ZNF536: variants seen among roughly 807,000 people sequenced by gnomAD.
ZNF536 encodes the protein zinc finger protein 536.
Under a neutral mutation model 84.5 loss-of-function variants are expected in ZNF536, and 13 were observed. That is an observed-to-expected ratio of 0.15 (90% CI 0.10 to 0.24). The LOEUF is 0.24. Ranked by LOEUF, ZNF536 falls within the 10% of genes least tolerant of loss-of-function variation. The probability of loss-of-function intolerance (pLI) is 1.00; values close to 1 mark genes in which losing one functional copy is unlikely to be tolerated. For missense variants in ZNF536, 1,536 were observed against 1,747.5 expected (o/e 0.88, Z 2.16); for synonymous variants, 811 against 742.5 (o/e 1.09, Z -1.50).
chr19:30,576,995 G>T (rs764128832), intron 1 of ZNF536, among the ~76,000 whole-genome samples: 8 of 152,106 alleles, frequency 5.3e-5, no homozygotes, highest in South Asian at 2.1e-4. Flanking sequence ...TCTGTTTTTT[G>T]TTGTTGTTGT....
intron 1 of ZNF536, among the ~76,000 whole-genome samples, chr19:30,614,942 A>ATTTTTTTATTTTTATTTT (rs2048230660): frequency 3.1e-5 from 1 of 32,316 alleles, no homozygotes; most frequent in Non-Finnish European, 5.8e-5. Context: ...CCCCTTTTCA[A>ATTTTTTTATTTTTATTTT]TTTTTTTTTT....
At chr19:30,355,759 A>G (rs2048074030) in intron 3 of ZNF536, among the ~76,000 whole-genome samples, 3 of 152,136 alleles carry the variant, frequency 2.0e-5, no homozygotes, top group Admixed American at 1.3e-4. Context: ...CAGTGGCTGC[A>G]TTAGATTTTC....
chr19:30,300,500 G>A (rs1179313249), intron 2 of ZNF536: 1 of 152,076 alleles, frequency 6.6e-6, no homozygotes, highest in Non-Finnish European at 1.5e-5. Flanking sequence ...GCCTCGTTAT[G>A]GAAAAGAATT....
At chr19:30,501,901 A>G (rs1568491239) in intron 2 of ZNF536, among the ~76,000 whole-genome samples, 1 of 152,198 alleles carries the variant, frequency 6.6e-6, no homozygotes, top group Non-Finnish European at 1.5e-5. Context: ...CCAATAATGG[A>G]ACACTAGGCA....
rs1013244518 is a variant in ZNF536, at chr19:30,480,656, G to T, written c.2170+34924G>T. Among the ~76,000 whole-genome samples the T allele has an allele frequency of 1.4e-4, 21 of 152,112 alleles. 1 individual carries two copies. The highest frequency in any genetic ancestry group is 3.1e-4 in the Non-Finnish European group (21 of 68,036). On this transcript the variant is annotated intron_variant, in intron 2 of 4. Coordinates refer to ENST00000355537, the MANE Select transcript of ZNF536 (RefSeq NM_014717.3). ...GGTGCAGCAAACCACCATGGCACAT[G>T]TATACCTATGTAACAAACCTGCACG...
intron 3 of ZNF536, among the ~76,000 whole-genome samples, chr19:30,544,925 G>A (rs929784673): frequency 1.3e-5 from 2 of 152,152 alleles, no homozygotes; most frequent in African/African-American, 4.8e-5. Context: ...TCAGAGTAGC[G>A]TGGGTGTCCA....
chr19:30,310,491 G>GA (rs1351765401), intron 2 of ZNF536, among the ~76,000 whole-genome samples: 1 of 152,214 alleles, frequency 6.6e-6, no homozygotes, highest in African/African-American at 2.4e-5. Flanking sequence ...ATTGACAGGG[G>GA]AAAATTTAAC....
chr19:30,580,240 G>C (rs960830773), intron 1 of ZNF536, among the ~76,000 whole-genome samples: 1 of 152,182 alleles, frequency 6.6e-6, no homozygotes, highest in Non-Finnish European at 1.5e-5. Flanking sequence ...CTTCCCTGCT[G>C]TACCCTACTC....
intron 1 of ZNF536, among the ~76,000 whole-genome samples, chr19:30,280,233 C>T (rs1215577837): frequency 6.6e-6 from 1 of 152,090 alleles, no homozygotes; most frequent in African/African-American, 2.4e-5. Flanking sequence ...CCTTCAGACC[C>T]TCTCTTTCCT....
chr19:30,339,442 A>G (rs1029492146), intron 2 of ZNF536, among the ~76,000 whole-genome samples: 7 of 152,216 alleles, frequency 4.6e-5, no homozygotes, highest in African/African-American at 1.7e-4. Flanking sequence ...GCAGGTGGGA[A>G]TACTGCTGGG....
intron 2 of ZNF536, among the ~76,000 whole-genome samples, chr19:30,484,390 C>CTTTTTTTTTTTTTTT (rs375461433): frequency 8.5e-6 from 1 of 117,446 alleles, no homozygotes; most frequent in African/African-American, 3.6e-5. Flanking sequence ...TCATGCCCAG[C>CTTTTTTTTTTTTTTT]TTTTTTTTTT....
chr19:30,355,265 TG>T (rs754970323), intron 3 of ZNF536, among the ~76,000 whole-genome samples: 1 of 151,546 alleles, frequency 6.6e-6, no homozygotes, highest in Non-Finnish European at 1.5e-5. Context: ...AGGGAAGGGG[TG>T]GGGGAGGTCC....
chr19:30,562,850 T>C (rs181957611), downstream of ZNF536, among the ~76,000 whole-genome samples: 3 of 152,124 alleles, frequency 2.0e-5, no homozygotes, highest in African/African-American at 7.2e-5. Context: ...GAGAATTCCC[T>C]TGGTCACTCA....
chr19:30,578,320 C>T (rs770391100), intron 1 of ZNF536, among the ~76,000 whole-genome samples: 9 of 152,190 alleles, frequency 5.9e-5, no homozygotes, highest in South Asian at 2.1e-4. Context: ...GGTTGGCCCG[C>T]GAAGCGCAGT....
intron 2 of ZNF536, among the ~76,000 whole-genome samples, chr19:30,320,348 A>G (rs2046813509): frequency 6.6e-6 from 1 of 152,214 alleles, no homozygotes; most frequent in South Asian, 2.1e-4. Flanking sequence ...TTTTAAATAG[A>G]AGTGTAGTGG....
intron 1 of ZNF536, among the ~76,000 whole-genome samples, chr19:30,428,602 T>C (rs536932394): frequency 3.6e-4 from 55 of 151,704 alleles, no homozygotes; most frequent in South Asian, 1.2e-3. Context: ...ACCAAGCTAC[T>C]GAAGTTACAG....
At position 30,610,778 on chromosome 19, in the gene ZNF536, G is replaced by A. The variant is rs566290248; in HGVS notation, c.169+61264G>A. On this transcript the variant is annotated intron_variant, in intron 1 of 1. Transcript: ENST00000592773. The stretch of plus-strand genomic sequence containing the variant: ...AGTGTGTGTGTGGAGGCGGGTGGGG[G>A]GGATGAGGACTCAGACATGCAAGGC... Among the ~76,000 whole-genome samples, 88 of 152,236 alleles carry A rather than the reference G, an allele frequency of 5.8e-4. 1 individual carries two copies. Among genetic ancestry groups the A allele is most frequent in the African/African-American group, 1.9e-3 (81 of 41,548 alleles).
Position 30,479,708 on chromosome 19 carries a change from C to T in ZNF536, c.2170+33976C>T, listed in dbSNP as rs144662367. 1.6e-3 allele frequency among the ~76,000 whole-genome samples: 251 copies of T among 152,306 alleles called. 2 individuals are homozygous for T. The East Asian group carries it at 0.033, about 20-fold the overall frequency. On this transcript the variant is annotated intron_variant, in intron 2 of 4. Coordinates refer to ENST00000355537, the MANE Select transcript of ZNF536 (RefSeq NM_014717.3). ...CCTGTCACTGATAAAAAGCAGTCCA[C>T]GAGGCAGCCTCGGGACATGTGCCCT...
At chr19:30,661,488 T>G (rs909088458) in intron 1 of ZNF536, among the ~76,000 whole-genome samples, 2 of 152,192 alleles carry the variant, frequency 1.3e-5, no homozygotes, top group Non-Finnish European at 2.9e-5. Flanking sequence ...TATAAATAGG[T>G]GCAAGCTTTT....
Sources: gnomAD v4.1 joint callset for allele counts (sites outside exome capture counted in the v4.1 genomes callset) on GRCh38, gnomAD v4.1.1 for gene constraint, MANE v1.5 for transcripts, NCBI Gene and HGNC (gene_info 2026-07-23, HGNC 2026-07-21) for gene names.